The following ETV7 variants were observed in gnomAD, a reference collection of about 807,000 sequenced individuals.
The protein encoded by ETV7 is transcription factor ETV7.
ETV7 carries 43 observed loss-of-function variants against 39.1 expected under a neutral mutation model. The observed-to-expected ratio is 1.10, with a 90% CI of 0.86 to 1.42. The LOEUF (loss-of-function observed/expected upper bound fraction) is 1.42, where lower values mean the gene tolerates loss of function less well. ETV7 is among the 40% of genes most tolerant of loss of function. The probability of loss-of-function intolerance (pLI) is 0.00; values close to 1 mark genes in which losing one functional copy is unlikely to be tolerated. For synonymous variants in ETV7, 196 were observed against 176.6 expected (o/e 1.11, Z -0.87); for missense variants, 432 against 442.3 (o/e 0.98, Z 0.21).
intron 3 of ETV7, 139 bp downstream of exon 3, chr6:36,375,732 G>C: frequency 7.6e-7 from 1 of 1,323,070 alleles, no homozygotes; most frequent in Non-Finnish European, 1.1e-6. Context: ...TATGCAGAGG[G>C]GCATCTGCAG....
In ETV7 at chr6:36,376,031, G is replaced by A. The variant is rs1180222658; in HGVS notation, c.147C>T (p.Ile49=). ...CCTCCCTGCTCCACAGTGCGGGCTG[G>A]ATGCCTGCAACCAGCAAGGACCAGT... ...GICKLPGRLR[I]QPALWSREDV... The change falls in exon 3 of 8, where the codon ATC becomes ATT. Residue 49 remains isoleucine (I), a synonymous_variant. Transcript: ENST00000340181. The A allele has an allele frequency of 1.3e-6, 2 of 1,598,828 alleles. No homozygotes were observed. The highest frequency in any genetic ancestry group is 2.7e-5 in the African/African-American group (2 of 74,836).
intron 3 of ETV7, among the ~76,000 whole-genome samples, chr6:36,373,828 A>G (rs1773169098): frequency 1.3e-5 from 2 of 152,250 alleles, no homozygotes; most frequent in African/African-American, 4.8e-5. Flanking sequence ...AGCCGCCTCC[A>G]GGGCATGCAG....
At position 36,366,675 on chromosome 6, in the gene ETV7, G is replaced by C. The variant is rs754585880; in HGVS notation, c.996C>G (p.Phe332Leu). 1 of 1,614,124 alleles carries C rather than the reference G, an allele frequency of 6.2e-7. No individual in the cohort carries two copies. Among genetic ancestry groups the C allele is most frequent in the African/African-American group, 1.3e-5 (1 of 75,016 alleles). ...GAGAGATTTCTGGCCTCTTGTCCTT[G>C]AACTCTATTCTGTCCTGCTCCTGGC... ...LESQEQDRIE[F>L]KDKRPEISP Residue 332 changes from phenylalanine to leucine, a missense_variant, in exon 8 of 8, where the codon TTC becomes TTG. Phe to Leu is a conservative substitution (Grantham distance 22, BLOSUM62 0). Coordinates refer to ENST00000340181, the MANE Select transcript of ETV7 (RefSeq NM_016135.4).
chr6:36,358,939 T>C (rs945906825), intron 7 of ETV7, among the ~76,000 whole-genome samples: 1 of 152,202 alleles, frequency 6.6e-6, no homozygotes, highest in African/African-American at 2.4e-5. Context: ...GGGCCAGATC[T>C]AGAGAACTGA....
At position 36,375,937 on chromosome 6, in the gene ETV7, C is replaced by T. The variant is rs61757380; in HGVS notation, c.241G>A (p.Glu81Lys). Residue 81 changes from glutamate (E) to lysine (K), a missense_variant, in exon 3 of 8, where the codon GAG becomes AAG. Transcript: ENST00000340181. ...SLPCTAEHGF[E>K]MNGRALCILT... ...ATGCAGAGGGCGCGTCCGTTCATCT[C>T]GAACCCGTGCTCCGCGGTGCATGGC... 7,569 of 1,613,908 alleles carry T rather than the reference C, an allele frequency of 4.7e-3. 30 individuals carry two copies. The highest frequency in any genetic ancestry group is 5.4e-3 in the Non-Finnish European group (6,389 of 1,180,026).
chr6:36,373,701 G>A lies in ETV7; in HGVS notation c.308-123C>T, dbSNP rs140194989. On this transcript the variant is annotated intron_variant, in intron 3 of 7. Coordinates refer to ENST00000340181, the MANE Select transcript of ETV7 (RefSeq NM_016135.4). ...GCATGTCTTGTCACAGCTTCATGCC[G>A]ATGGCAAAGGGGTTCCTGCTGCAGC... 1.2e-4 allele frequency: 129 copies of A among 1,113,670 alleles called. No homozygotes were observed. The African/African-American group carries it at 1.5e-3, about 13-fold the overall frequency. 69.0% of individuals were successfully genotyped at this position (1,113,670 alleles called of 1,614,324 possible).
chr6:36,363,770 C>A (rs1434283314), downstream of ETV7, among the ~76,000 whole-genome samples: 1 of 146,354 alleles, frequency 6.8e-6, no homozygotes, highest in Non-Finnish European at 1.5e-5. Flanking sequence ...CTCCACCTCC[C>A]CACCAGATTA....
At chr6:36,376,729 T>C (rs1475178201) in intron 2 of ETV7, among the ~76,000 whole-genome samples, 4 of 144,872 alleles carry the variant, frequency 2.8e-5, no homozygotes, top group Non-Finnish European at 6.0e-5. Context: ...TGAGCCGAGA[T>C]CATGCGACTG....
At chr6:36,379,121 G>A (rs1773521370) in intron 2 of ETV7, among the ~76,000 whole-genome samples, 1 of 152,208 alleles carries the variant, frequency 6.6e-6, no homozygotes. Flanking sequence ...TCGAGGGCAG[G>A]CCTCCACAGC....
chr6:36,371,581 G>A, intron 4 of ETV7, 21 bp from the exon 5 acceptor site: 1 of 1,554,994 alleles, frequency 6.4e-7, no homozygotes. Context: ...ATGAGCACCA[G>A]TGGTAGCAGG....
At chr6:36,377,393 G>A (rs1289365900) in intron 2 of ETV7, among the ~76,000 whole-genome samples, 1 of 151,988 alleles carries the variant, frequency 6.6e-6, no homozygotes, top group Non-Finnish European at 1.5e-5. Flanking sequence ...CTTGAGCCCG[G>A]GAGGTCACAG....
Position 36,387,641 on chromosome 6 carries a change from CA to C in ETV7, c.-101del, listed in dbSNP as rs1402638001. 1.5e-6 allele frequency: 2 copies of C among 1,370,082 alleles called. No homozygotes were observed. Among genetic ancestry groups the C allele is most frequent in the Non-Finnish European group, 2.1e-6 (2 of 971,990 alleles). The allele number at this position is 1,370,082 out of a possible 1,614,324, so 84.9% of individuals were successfully genotyped here. On this transcript the variant is annotated 5_prime_UTR_variant, in exon 1 of 8. Transcript: ENST00000340181. ...CCCGCGCCCCGCAGTCCTCCTCCGC[CA>C]AACCCCTAACCTGGCTCCGAGAACT...
intron 5 of ETV7, 58 bp from the exon 6 acceptor site, chr6:36,369,129 G>A (rs553023504): frequency 3.2e-5 from 51 of 1,603,146 alleles, no homozygotes; most frequent in Non-Finnish European, 4.2e-5. Flanking sequence ...GTGAGGACAG[G>A]TGTTAGAAAG....
downstream of ETV7, among the ~76,000 whole-genome samples, chr6:36,364,287 G>A (rs1163778524): frequency 4.6e-5 from 7 of 152,246 alleles, no homozygotes; most frequent in South Asian, 4.1e-4. Flanking sequence ...AGGGGGTGGC[G>A]CTCGTCGGGG....
chr6:36,359,424 C>T (rs184639241), intron 7 of ETV7, among the ~76,000 whole-genome samples: 1 of 149,358 alleles, frequency 6.7e-6, no homozygotes, highest in Non-Finnish European at 1.5e-5. Context: ...GCTCTCCAGC[C>T]TGGGTAACAA....
chr6:36,361,376 C>T (rs995065045), downstream of ETV7, among the ~76,000 whole-genome samples: 5 of 152,246 alleles, frequency 3.3e-5, no homozygotes, highest in Admixed American at 1.3e-4. Flanking sequence ...CAGGCCTTTG[C>T]TCTGTAAAGG....
chr6:36,371,745 G>A (rs1320959760), intron 4 of ETV7, among the ~76,000 whole-genome samples, 185 bp from the exon 5 acceptor site: 1 of 152,210 alleles, frequency 6.6e-6, no homozygotes, highest in Non-Finnish European at 1.5e-5. Context: ...CAGCCTAAGT[G>A]CTAACCCCAG....
chr6:36,380,150 C>T (rs994696268), intron 2 of ETV7, among the ~76,000 whole-genome samples: 1 of 152,130 alleles, frequency 6.6e-6, no homozygotes, highest in Non-Finnish European at 1.5e-5. Context: ...AAATGCGTGG[C>T]ACAGGGTCCA....
intron 3 of ETV7, among the ~76,000 whole-genome samples, chr6:36,373,906 A>T (rs1444828438): frequency 6.6e-6 from 1 of 152,200 alleles, no homozygotes; most frequent in African/African-American, 2.4e-5. Flanking sequence ...CACAGTGCAT[A>T]AACTGTGCAA....
Sources: gnomAD v4.1 joint callset for allele counts (sites outside exome capture counted in the v4.1 genomes callset) on GRCh38, gnomAD v4.1.1 for gene constraint, MANE v1.5 for transcripts, NCBI Gene and HGNC (gene_info 2026-07-23, HGNC 2026-07-21) for gene names.